Variants in ZFHX3 observed in about 807,000 individuals in gnomAD.
ZFHX3 encodes zinc finger homeobox protein 3.
Under a neutral mutation model 279.1 loss-of-function variants are expected in ZFHX3, and 42 were observed. That is an observed-to-expected ratio of 0.15 (90% CI 0.12 to 0.19). The LOEUF (loss-of-function observed/expected upper bound fraction) is 0.19. Ranked by LOEUF, ZFHX3 falls within the 10% of genes least tolerant of loss-of-function variation. The pLI is 1.00. For missense variants in ZFHX3, 4,981 were observed against 4,754.0 expected (o/e 1.05, Z -1.40); for synonymous variants, 2,293 against 1,957.8 (o/e 1.17, Z -4.52).
intron 2 of ZFHX3, among the ~76,000 whole-genome samples, chr16:73,495,823 C>T (rs2143654954): frequency 6.6e-6 from 1 of 152,304 alleles, no homozygotes. Context: ...ATATCCTTCC[C>T]CTCATCAATG....
At chr16:73,220,977 G>T (rs1048422012) in intron 5 of ZFHX3, among the ~76,000 whole-genome samples, 1 of 152,140 alleles carries the variant, frequency 6.6e-6, no homozygotes. Context: ...TCCTATATGG[G>T]GAAAGCTGTA....
intron 5 of ZFHX3, among the ~76,000 whole-genome samples, chr16:73,212,737 C>G (rs539636765): frequency 6.6e-6 from 1 of 152,328 alleles, no homozygotes; most frequent in East Asian, 1.9e-4. Flanking sequence ...CTCTAAAATT[C>G]TTGCAGAGTA....
At chr16:73,534,842 A>C (rs2019866918) in intron 2 of ZFHX3, among the ~76,000 whole-genome samples, 1 of 152,212 alleles carries the variant, frequency 6.6e-6, no homozygotes, top group Non-Finnish European at 1.5e-5. Context: ...TTCTTTGTAC[A>C]TAAGGAAACC....
chr16:73,560,755 G>C (rs900642222), intron 2 of ZFHX3, among the ~76,000 whole-genome samples: 1 of 152,162 alleles, frequency 6.6e-6, no homozygotes, highest in African/African-American at 2.4e-5. Flanking sequence ...ATGGGAAGGG[G>C]ATACAGCTGT....
chr16:72,815,405 C>CAAAAA (rs369741126), intron 5 of ZFHX3, among the ~76,000 whole-genome samples: 1 of 93,062 alleles, frequency 1.1e-5, no homozygotes, highest in Non-Finnish European at 2.4e-5. Context: ...GAGACTGTCT[C>CAAAAA]AAAAAAAAAA....
intron 1 of ZFHX3, among the ~76,000 whole-genome samples, chr16:73,845,392 CCTT>C (rs1567428637): frequency 1.3e-5 from 2 of 152,094 alleles, no homozygotes; most frequent in African/African-American, 4.8e-5. Context: ...ACAAGAAGCA[CCTT>C]CCTTCCTGGG....
intron 4 of ZFHX3, among the ~76,000 whole-genome samples, chr16:72,858,722 C>T (rs747605768): frequency 3.5e-4 from 53 of 152,204 alleles, no homozygotes; most frequent in African/African-American, 1.0e-3. Flanking sequence ...CAAGGTTAGT[C>T]GTTTTCAATT....
intron 1 of ZFHX3, among the ~76,000 whole-genome samples, chr16:73,769,487 G>C (rs905443331): frequency 2.6e-5 from 4 of 152,088 alleles, no homozygotes; most frequent in African/African-American, 9.7e-5. Context: ...ATAGTACCAT[G>C]CTACCATTCT....
chr16:73,799,159 A>G (rs1960077112), intron 1 of ZFHX3, among the ~76,000 whole-genome samples: 2 of 152,160 alleles, frequency 1.3e-5, no homozygotes, highest in South Asian at 2.1e-4. Context: ...GTGAGATGAG[A>G]AGGCAACCCT....
At chr16:73,850,050 G>A (rs1961556100) in intron 1 of ZFHX3, among the ~76,000 whole-genome samples, 1 of 152,164 alleles carries the variant, frequency 6.6e-6, no homozygotes, top group Admixed American at 6.5e-5. Context: ...ATTTTTAAAA[G>A]GAAGGAAGGG....
At chr16:73,454,287 G>C (rs913138036) in intron 3 of ZFHX3, among the ~76,000 whole-genome samples, 4 of 152,074 alleles carry the variant, frequency 2.6e-5, no homozygotes, top group African/African-American at 4.8e-5. Context: ...TTTTATTCTA[G>C]AGAGAAAATC....
chr16:73,046,803 C>T (rs948570234), intron 1 of ZFHX3, among the ~76,000 whole-genome samples: 1 of 151,502 alleles, frequency 6.6e-6, no homozygotes, highest in Admixed American at 6.6e-5. Flanking sequence ...GAAGGAGAGG[C>T]CTTCCTTCTG....
chr16:72,841,806 A>G (rs1178988358), intron 4 of ZFHX3, among the ~76,000 whole-genome samples: 2 of 152,234 alleles, frequency 1.3e-5, no homozygotes, highest in Non-Finnish European at 2.9e-5. Context: ...GTATACAGCA[A>G]TATCTCTCAA....
intron 4 of ZFHX3, among the ~76,000 whole-genome samples, chr16:73,314,947 G>A (rs974739249): frequency 6.6e-6 from 1 of 152,314 alleles, no homozygotes; most frequent in South Asian, 2.1e-4. Context: ...AATAATTCAG[G>A]CTGGGCGTGA....
intron 4 of ZFHX3, among the ~76,000 whole-genome samples, chr16:72,868,125 A>G (rs1175448302): frequency 6.6e-6 from 1 of 152,230 alleles, no homozygotes; most frequent in Non-Finnish European, 1.5e-5. Context: ...ATCTTTTTGG[A>G]ATAACATGAG....
intron 2 of ZFHX3, among the ~76,000 whole-genome samples, chr16:73,538,371 C>G (rs2019944551): frequency 6.6e-6 from 1 of 152,072 alleles, no homozygotes; most frequent in Non-Finnish European, 1.5e-5. Context: ...AAAAAAAAGT[C>G]ACCCTCTACT....
At chr16:73,831,650 G>T (rs1047750074) in intron 1 of ZFHX3, among the ~76,000 whole-genome samples, 4 of 152,162 alleles carry the variant, frequency 2.6e-5, no homozygotes, top group East Asian at 3.8e-4. Context: ...AAAATAATTG[G>T]CAATCCCACA....
In ZFHX3 at chr16:73,269,301, A is replaced by G. The variant is rs1402571056; in HGVS notation, c.-1193-12165T>C. On this transcript the variant is annotated intron_variant, in intron 4 of 17. Coordinates refer to the ZFHX3 transcript ENST00000641206. ...TTGGATGGTTCTTTTGTCCCTGAAC[A>G]TTCTTTCTTGTTTGTTTCTCGTCAG... 6.6e-5 allele frequency among the ~76,000 whole-genome samples: 10 copies of G among 152,242 alleles called. No homozygotes were observed. In the South Asian group the frequency reaches 1.5e-3, roughly 22 times the overall value.
Position 72,797,029 on chromosome 16 carries a change from T to G in ZFHX3, c.5653A>C (p.Lys1885Gln). The change falls in exon 9 of 10, where the codon AAG becomes CAG. Residue 1885 changes from lysine (K) to glutamine (Q), a missense_variant. Coordinates refer to ENST00000268489, the MANE Select transcript of ZFHX3 (RefSeq NM_006885.4). ...CTCTCTCTCTGGCTTTCTTTTTCCT[T>G]TTCTTTGATGACCAATTTGTTCTTC... ...EKKNKLVIKE[K>Q]EKESQRERDS... 6.2e-7 allele frequency: 1 copy of G among 1,614,098 alleles called. No homozygotes were observed.
Sources: allele counts gnomAD v4.1 joint callset (sites outside exome capture counted in the v4.1 genomes callset), GRCh38; gene constraint gnomAD v4.1.1; transcripts MANE v1.5; gene names NCBI Gene and HGNC (gene_info 2026-07-23, HGNC 2026-07-21).